Variants in QSER1 observed in about 807,000 individuals in gnomAD.
QSER1 encodes the protein glutamine and serine-rich protein 1.
A neutral mutation model predicts 158.5 loss-of-function variants in QSER1; 49 were observed. The observed-to-expected ratio is 0.31, with a 90% CI of 0.25 to 0.39. The LOEUF (loss-of-function observed/expected upper bound fraction) is 0.39, where lower values mean the gene tolerates loss of function less well. Ranked by LOEUF, QSER1 falls within the 10% of genes least tolerant of loss-of-function variation. QSER1 has a pLI of 1.00. For missense variants in QSER1, 1,754 were observed against 2,010.3 expected (o/e 0.87, Z 2.44); for synonymous variants, 650 against 715.5 (o/e 0.91, Z 1.46).
At position 32,903,744 on chromosome 11, in the gene QSER1, C is replaced by T. The variant is rs576289336; in HGVS notation, c.209+10410C>T. On this transcript the variant is annotated intron_variant, in intron 1 of 12. Coordinates refer to ENST00000650167, the MANE Select transcript of QSER1 (RefSeq NM_001076786.3). ...CTCCTGGCTCAGCCTCCCAAGTAGC[C>T]GAGATTACAGATGCCCACCACCACG... Among the ~76,000 whole-genome samples the T allele has an allele frequency of 3.3e-3, 498 of 151,920 alleles. 3 individuals are homozygous for T. The highest frequency in any genetic ancestry group is 4.5e-3 in the Non-Finnish European group (303 of 67,956).
At chr11:32,925,244 C>A (rs1466750747) in intron 1 of QSER1, among the ~76,000 whole-genome samples, 2 of 152,038 alleles carry the variant, frequency 1.3e-5, no homozygotes, top group South Asian at 4.2e-4. Context: ...GATGTATACC[C>A]AGTAATGAAA....
At chr11:32,929,879 A>C (rs1852023124) in intron 3 of QSER1, among the ~76,000 whole-genome samples, 1 of 152,232 alleles carries the variant, frequency 6.6e-6, no homozygotes, top group African/African-American at 2.4e-5. Context: ...ACTGGATAGA[A>C]GGATTTCAAG....
At chr11:32,954,228 C>T in intron 5 of QSER1, 49 bp downstream of exon 5, 1 of 1,557,466 alleles carries the variant, frequency 6.4e-7, no homozygotes, top group Non-Finnish European at 8.7e-7. Context: ...GTTAGTGTGC[C>T]TGCGATAGCC....
At chr11:32,952,727 T>G (rs1283013705) in intron 4 of QSER1, among the ~76,000 whole-genome samples, 1 of 152,036 alleles carries the variant, frequency 6.6e-6, no homozygotes, top group Non-Finnish European at 1.5e-5. Flanking sequence ...TGCTTTTCTT[T>G]GTGGGATGTT....
rs555428176 is a variant in QSER1 at position 32,927,946 on chromosome 11, T to C, written c.323-16T>C. ...TTTTTTTTTTACTTTGGGATATATT[T>C]TATCTTCAAATTTAGGTCTTTCTGG... is the stretch of plus-strand genomic sequence containing the variant. On this transcript the variant is annotated splice_polypyrimidine_tract_variant and intron_variant, in intron 2 of 12. Coordinates refer to ENST00000650167, the MANE Select transcript of QSER1 (RefSeq NM_001076786.3). 7.6e-4 allele frequency: 515 copies of C among 678,298 alleles called. 1 individual carries two copies. Among genetic ancestry groups the C allele is most frequent in the Non-Finnish European group, 1.2e-3 (470 of 408,496 alleles). 42.0% of individuals were successfully genotyped at this position (678,298 alleles called of 1,614,324 possible).
chr11:32,910,313 T>C (rs907944907), intron 1 of QSER1, among the ~76,000 whole-genome samples: 4 of 152,222 alleles, frequency 2.6e-5, no homozygotes, highest in Non-Finnish European at 5.9e-5. Flanking sequence ...ATTGTTTTAT[T>C]AGTTGGTTTC....
intron 4 of QSER1, among the ~76,000 whole-genome samples, chr11:32,952,093 G>C (rs1399976221): frequency 2.0e-5 from 3 of 152,274 alleles, no homozygotes; most frequent in African/African-American, 7.2e-5. Flanking sequence ...GCCCGCCTCA[G>C]CCTCCCAAAG....
In QSER1 at chr11:32,935,157, G is replaced by C; in HGVS notation, c.3899G>C (p.Arg1300Pro). The C allele has an allele frequency of 6.2e-7, 1 of 1,614,020 alleles. No individual in the cohort carries two copies. The highest frequency in any genetic ancestry group is 8.5e-7 in the Non-Finnish European group (1 of 1,179,972). ...CAGCAGTTTTCCACTCTTGCTGTACGAATGCCTAACAGGACTAGACGGCCA... is the reference window on the plus strand; with the variant it reads ...CAGCAGTTTTCCACTCTTGCTGTACCAATGCCTAACAGGACTAGACGGCCA... ...PKQQFSTLAV[R>P]MPNRTRRPGT... The change falls in exon 4 of 13, where the codon CGA becomes CCA. Residue 1300 changes from arginine to proline, a missense_variant. Coordinates refer to ENST00000650167, the MANE Select transcript of QSER1 (RefSeq NM_001076786.3).
chr11:32,895,603 G>T (rs1156446186), intron 1 of QSER1, among the ~76,000 whole-genome samples: 2 of 152,156 alleles, frequency 1.3e-5, no homozygotes, highest in Non-Finnish European at 2.9e-5. Context: ...CTTTGTGGCA[G>T]TTTCTTGTGA....
chr11:32,964,735 TATATACACACAC>T (rs1564946464), intron 8 of QSER1, among the ~76,000 whole-genome samples: 1 of 116,656 alleles, frequency 8.6e-6, no homozygotes, highest in Admixed American at 8.8e-5. Context: ...TATATATATA[TATATACACACAC>T]ACACACACAC....
At chr11:32,973,087 G>T (rs1267741281) in intron 10 of QSER1, among the ~76,000 whole-genome samples, 1 of 152,228 alleles carries the variant, frequency 6.6e-6, no homozygotes, top group African/African-American at 2.4e-5. Flanking sequence ...CCAGTGTGGT[G>T]TGCTGTTGCT....
intron 4 of QSER1, among the ~76,000 whole-genome samples, chr11:32,947,121 CCACT>C (rs1182712657): frequency 2.6e-5 from 4 of 152,336 alleles, no homozygotes; most frequent in African/African-American, 4.8e-5. Context: ...TGACCTGCAC[CCACT>C]GTCTGGCACT....
At chr11:32,914,542 G>C (rs763560814) in intron 1 of QSER1, among the ~76,000 whole-genome samples, 2 of 152,188 alleles carry the variant, frequency 1.3e-5, no homozygotes, top group Non-Finnish European at 2.9e-5. Context: ...CTTATTACTT[G>C]TGTGCAAGTA....
At chr11:32,900,574 G>A (rs777231343) in intron 1 of QSER1, among the ~76,000 whole-genome samples, 4 of 151,342 alleles carry the variant, frequency 2.6e-5, no homozygotes, top group Admixed American at 2.0e-4. Context: ...AAAAAAAATC[G>A]AATGACTTAT....
intron 12 of QSER1, among the ~76,000 whole-genome samples, 161 bp from the exon 13 acceptor site, chr11:32,976,173 C>T (rs1413020709): frequency 6.6e-6 from 1 of 152,076 alleles, no homozygotes; most frequent in African/African-American, 2.4e-5. Context: ...CTTTCTGCCA[C>T]CTTGGAGCCA....
At position 32,892,843 on chromosome 11, in the gene QSER1, G is replaced by GGCCGCCGCCGCCGCGGCCGCC. The variant is rs1554922093; in HGVS notation, c.-269_-268insGGCCGCCGCCGCCGCCGCCGC. ...GAAATCCACCAACATGGGGCGCAGC[G>GGCCGCCGCCGCCGCGGCCGCC]GCCGCCGCCGCCGCCGCCGTCGCCG... On this transcript the variant is annotated 5_prime_UTR_variant, in exon 1 of 13. Coordinates refer to ENST00000650167, the MANE Select transcript of QSER1 (RefSeq NM_001076786.3). 6.9e-6 allele frequency among the ~76,000 whole-genome samples: 1 copy of GGCCGCCGCCGCCGCGGCCGCC among 144,782 alleles called. No individual in the cohort carries two copies. The highest frequency in any genetic ancestry group is 1.5e-5 in the Non-Finnish European group (1 of 65,518). 95.0% of individuals were successfully genotyped at this position (144,782 alleles called of 152,430 possible). A position where few individuals can be genotyped will look rare whatever the true frequency, so the allele number is the denominator to read the frequency against.
intron 7 of QSER1, 102 bp from the exon 8 acceptor site, chr11:32,957,767 G>A (rs1852545979): frequency 3.3e-6 from 3 of 914,558 alleles, no homozygotes; most frequent in African/African-American, 1.7e-5. Flanking sequence ...ATTGGTGAGA[G>A]TAATTAGATA....
Position 32,973,643 on chromosome 11 carries a change from G to A in QSER1, c.5358+94G>A, listed in dbSNP as rs1478218296. ...TTGAAACAAGCAAATATTTTACTATGTTGTCATTAAGTGTGAAGGTTTTTC... is the reference window on the plus strand; with the variant it reads ...TTGAAACAAGCAAATATTTTACTATATTGTCATTAAGTGTGAAGGTTTTTC... On this transcript the variant is annotated intron_variant, in intron 11 of 12. Transcript: ENST00000650167. 4.0e-6 allele frequency: 5 copies of A among 1,244,764 alleles called. No homozygotes were observed. The East Asian group carries it at 9.6e-5, about 24-fold the overall frequency. The allele number at this position is 1,244,764 out of a possible 1,614,324, so 77.1% of individuals were successfully genotyped here. A position where few individuals can be genotyped will look rare whatever the true frequency, so the allele number is the denominator to read the frequency against.
chr11:32,958,392 C>CT (rs61443981), intron 8 of QSER1, among the ~76,000 whole-genome samples: 2,988 of 144,820 alleles, frequency 0.021, 41 homozygotes, highest in South Asian at 0.04. Context: ...TAGTTCTAAA[C>CT]TTTTTTTTTT....
Sources: allele counts gnomAD v4.1 joint callset (sites outside exome capture counted in the v4.1 genomes callset), GRCh38; gene constraint gnomAD v4.1.1; transcripts MANE v1.5; gene names NCBI Gene and HGNC (gene_info 2026-07-23, HGNC 2026-07-21).